FASTKD1: variants seen among roughly 807,000 people sequenced by gnomAD.
FASTKD1 encodes the protein FAST kinase domain-containing protein 1, mitochondrial.
FASTKD1 carries 94 observed loss-of-function variants against 90.9 expected under a neutral mutation model. That is an observed-to-expected ratio of 1.03 (90% CI 0.88 to 1.23). The LOEUF (loss-of-function observed/expected upper bound fraction) is 1.23, where lower values mean the gene tolerates loss of function less well. FASTKD1 is among the 50% of genes most tolerant of loss of function. The pLI is 0.00. For synonymous variants in FASTKD1, 319 were observed against 345.8 expected (o/e 0.92, Z 0.86); for missense variants, 945 against 993.5 (o/e 0.95, Z 0.66).
Position 169,572,023 on chromosome 2 carries a change from T to C in FASTKD1, c.7A>G (p.Lys3Glu). Residue 3 changes from lysine (K) to glutamate (E), a missense_variant, in exon 2 of 15, where the codon AAA becomes GAA. Physicochemically the swap from Lys to Glu is moderately conservative, Grantham distance 56. Coordinates refer to ENST00000453153, the MANE Select transcript of FASTKD1 (RefSeq NM_024622.6). The stretch of plus-strand genomic sequence containing the variant: ...AATGACTCTAGGAAAACAGGTGTTT[T>C]TTTCATTTATATCACAAGTTTTCTT... MK[K>E]TPVFLESLVT... 1.9e-6 allele frequency: 3 copies of C among 1,566,276 alleles called. No homozygotes were observed. Among genetic ancestry groups the C allele is most frequent in the Middle Eastern group, 1.7e-4 (1 of 5,838 alleles).
chr2:169,542,346 G>A (rs565375635), intron 9 of FASTKD1, among the ~76,000 whole-genome samples: 1 of 152,264 alleles, frequency 6.6e-6, no homozygotes, highest in East Asian at 1.9e-4. Flanking sequence ...ATATCATACT[G>A]ACAAGTACAT....
At chr2:169,550,356 A>G (rs1338653962) in intron 7 of FASTKD1, among the ~76,000 whole-genome samples, 1 of 151,440 alleles carries the variant, frequency 6.6e-6, no homozygotes, top group Non-Finnish European at 1.5e-5. Flanking sequence ...AACAAACAAA[A>G]TTGTATGGTC....
intron 6 of FASTKD1, 131 bp from the exon 7 acceptor site, chr2:169,555,386 G>T (rs1683254757): frequency 2.8e-6 from 2 of 724,904 alleles, no homozygotes; most frequent in East Asian, 2.9e-5. Flanking sequence ...CTCTATTCTT[G>T]AAGAAATGTC....
At chr2:169,547,542 A>G (rs1157544629) in intron 7 of FASTKD1, among the ~76,000 whole-genome samples, 1 of 152,202 alleles carries the variant, frequency 6.6e-6, no homozygotes, top group Non-Finnish European at 1.5e-5. Context: ...TGAACTAGTA[A>G]CTAGGACAAA....
intron 9 of FASTKD1, 55 bp from the exon 10 acceptor site, chr2:169,540,234 C>A: frequency 7.1e-7 from 1 of 1,411,244 alleles, no homozygotes; most frequent in East Asian, 2.4e-5. Context: ...TATATATACA[C>A]TTATAATTTA....
chr2:169,561,269 G>A (rs1018924763), intron 4 of FASTKD1, among the ~76,000 whole-genome samples: 4 of 151,592 alleles, frequency 2.6e-5, no homozygotes, highest in African/African-American at 7.2e-5. Context: ...GAAACAGAGG[G>A]AGACTCCATC....
intron 9 of FASTKD1, among the ~76,000 whole-genome samples, chr2:169,542,893 A>C (rs1034245064): frequency 1.3e-5 from 2 of 152,180 alleles, no homozygotes; most frequent in Admixed American, 6.6e-5. Context: ...AAACAATCAG[A>C]CATTATGTGC....
chr2:169,534,965 A>C (rs549765834), intron 12 of FASTKD1, among the ~76,000 whole-genome samples: 2 of 151,410 alleles, frequency 1.3e-5, no homozygotes, highest in African/African-American at 2.4e-5. Flanking sequence ...TATGTTAAGC[A>C]TGTCTCATGT....
At chr2:169,534,173 G>T in intron 12 of FASTKD1, among the ~76,000 whole-genome samples, 1 of 67,544 alleles carries the variant, frequency 1.5e-5, no homozygotes, top group Admixed American at 2.8e-4. Flanking sequence ...GACAGAACAA[G>T]ACCCTTTCTC....
chr2:169,562,534 A>G (rs2441675), intron 4 of FASTKD1, among the ~76,000 whole-genome samples: 152,259 of 152,260 alleles, frequency 1, 76,129 homozygotes, highest in Non-Finnish European at 1. Flanking sequence ...TGCCTGGCCA[A>G]TGAATTCATA....
chr2:169,539,851 G>A (rs1046276373), intron 10 of FASTKD1, among the ~76,000 whole-genome samples, 200 bp downstream of exon 10: 1 of 152,064 alleles, frequency 6.6e-6, no homozygotes, highest in African/African-American at 2.4e-5. Context: ...CATTAAAAGT[G>A]GTAGTTTTAC....
At position 169,562,031 on chromosome 2, in the gene FASTKD1, A is replaced by AATTTATTGTAAATTAATTATTTG. The variant is rs1559157426; in HGVS notation, c.572+1193_572+1194insCAAATAATTAATTTACAATAAAT. On this transcript the variant is annotated intron_variant, in intron 4 of 14. Transcript: ENST00000453153. Reference sequence around the variant, plus strand: ...TTAATTTATTGTAAATTAATTATTTATTAATTTATTGTAAATTAATTATTT... The same window carrying AATTTATTGTAAATTAATTATTTG: ...TTAATTTATTGTAAATTAATTATTTAATTTATTGTAAATTAATTATTTGTTAATTTATTGTAAATTAATTATTT... Among the ~76,000 whole-genome samples, 88 of 115,190 alleles carry AATTTATTGTAAATTAATTATTTG rather than the reference A, an allele frequency of 7.6e-4. 9 individuals are homozygous for AATTTATTGTAAATTAATTATTTG. The highest frequency in any genetic ancestry group is 1.1e-3 in the Non-Finnish European group (62 of 54,018). 75.6% of individuals were successfully genotyped at this position (115,190 alleles called of 152,430 possible).
At chr2:169,553,215 T>A (rs376003601) in intron 7 of FASTKD1, among the ~76,000 whole-genome samples, 1 of 51,546 alleles carries the variant, frequency 1.9e-5, no homozygotes. Context: ...AAACAACAAA[T>A]ACAAAAATAA....
chr2:169,563,349 A>G lies in FASTKD1; in HGVS notation c.448T>C (p.Phe150Leu), dbSNP rs1249417274. The change falls in exon 4 of 15, where the codon TTT becomes CTT. Residue 150 changes from phenylalanine to leucine, a missense_variant and splice_region_variant. Coordinates refer to ENST00000453153, the MANE Select transcript of FASTKD1 (RefSeq NM_024622.6). The stretch of plus-strand genomic sequence containing the variant: ...AATTCTGAGAGCAGTTTAATATCAA[A>G]CCTATTAAAGGAAATATACAAAGGA... ...VTEAWRRLER[F>L]DIKLLSEFSS... The G allele has an allele frequency of 1.3e-6, 2 of 1,587,958 alleles. No individual in the cohort carries two copies. Among genetic ancestry groups the G allele is most frequent in the South Asian group, 1.1e-5 (1 of 89,934 alleles).
chr2:169,566,620 G>A (rs1016760455), intron 3 of FASTKD1, among the ~76,000 whole-genome samples: 2 of 152,130 alleles, frequency 1.3e-5, no homozygotes, highest in African/African-American at 2.4e-5. Context: ...GCTGAGATAG[G>A]ACGATGGCTT....
chr2:169,557,386 G>A, intron 5 of FASTKD1, 89 bp from the exon 6 acceptor site: 15 of 545,762 alleles, frequency 2.7e-5, no homozygotes, highest in Admixed American at 4.3e-5. Context: ...GTAACAAATA[G>A]GAAAAAAAAT....
At chr2:169,559,435 T>C (rs991985659) in intron 5 of FASTKD1, among the ~76,000 whole-genome samples, 4 of 152,184 alleles carry the variant, frequency 2.6e-5, no homozygotes. Context: ...TTTTTTTCTT[T>C]TATTTTTTCT....
chr2:169,551,964 C>A (rs1685509344), intron 7 of FASTKD1, among the ~76,000 whole-genome samples: 1 of 152,126 alleles, frequency 6.6e-6, no homozygotes, highest in South Asian at 2.1e-4. Context: ...AAAACAACAA[C>A]AGACATTATT....
chr2:169,553,700 G>C (rs1226865415), intron 7 of FASTKD1, among the ~76,000 whole-genome samples: 1 of 151,530 alleles, frequency 6.6e-6, no homozygotes. Context: ...GGCAGACCAC[G>C]GGGTCAGAAG....
Sources: gnomAD v4.1 joint callset for allele counts (sites outside exome capture counted in the v4.1 genomes callset) on GRCh38, gnomAD v4.1.1 for gene constraint, MANE v1.5 for transcripts, NCBI Gene and HGNC (gene_info 2026-07-23, HGNC 2026-07-21) for gene names.